ROBO1: variants seen among roughly 807,000 people sequenced by gnomAD.
ROBO1 encodes roundabout homolog 1.
ROBO1 carries 149 observed loss-of-function variants against 195.9 expected under a neutral mutation model. That is an observed-to-expected ratio of 0.76 (90% CI 0.67 to 0.87). The LOEUF (loss-of-function observed/expected upper bound fraction) is 0.87. ROBO1 is among the 40% of genes least tolerant of loss of function. The pLI is 0.00. For missense variants in ROBO1, 1,933 were observed against 2,068.3 expected, an observed-to-expected ratio of 0.93 and a Z score of 1.27; for synonymous variants, 816 against 733.2, an observed-to-expected ratio of 1.11 and a Z score of -1.82.
chr3:79,166,852 TA>T lies in ROBO1; in HGVS notation c.89-41314del, dbSNP rs575392856. Among the ~76,000 whole-genome samples, 225 of 152,296 alleles carry T rather than the reference TA, an allele frequency of 1.5e-3. 1 individual carries two copies. Among genetic ancestry groups the T allele is most frequent in the African/African-American group, 5.2e-3 (217 of 41,568 alleles). ...TGTTCACTAATGTATTATCAGTGCC[TA>T]AATCAGTAAAGGATTCATAATATTT... On this transcript the variant is annotated intron_variant, in intron 2 of 30. Transcript: ENST00000464233.
chr3:78,647,694 T>A (rs1706388221), intron 19 of ROBO1, 39 bp from the exon 20 acceptor site: 1 of 1,557,992 alleles, frequency 6.4e-7, no homozygotes, highest in East Asian at 2.2e-5. Context: ...GTTATTAAGC[T>A]GAAGAGAGAA....
chr3:79,615,340 T>C (rs1445007201), intron 1 of ROBO1, among the ~76,000 whole-genome samples: 1 of 152,156 alleles, frequency 6.6e-6, no homozygotes, highest in African/African-American at 2.4e-5. Flanking sequence ...AAGCCTCCAC[T>C]TTGAGTTGTT....
intron 2 of ROBO1, among the ~76,000 whole-genome samples, chr3:79,538,079 T>G (rs764450410): frequency 6.6e-6 from 1 of 152,150 alleles, no homozygotes; most frequent in Admixed American, 6.6e-5. Flanking sequence ...ATAGCCAATT[T>G]ATTAATTCTA....
At chr3:79,232,670 C>T (rs2082341393) in intron 2 of ROBO1, among the ~76,000 whole-genome samples, 1 of 152,072 alleles carries the variant, frequency 6.6e-6, no homozygotes, top group South Asian at 2.1e-4. Flanking sequence ...AACTTTCCAT[C>T]AGCCAACTTA....
intron 3 of ROBO1, among the ~76,000 whole-genome samples, chr3:79,083,926 C>T (rs2079320790): frequency 6.6e-6 from 1 of 152,156 alleles, no homozygotes; most frequent in Non-Finnish European, 1.5e-5. Flanking sequence ...CCATAAGTCA[C>T]TCCTTAGCTT....
intron 2 of ROBO1, among the ~76,000 whole-genome samples, chr3:79,211,886 CA>C (rs1467739066): frequency 1.3e-5 from 2 of 152,160 alleles, no homozygotes; most frequent in Non-Finnish European, 2.9e-5. Flanking sequence ...AGGTGTCTCA[CA>C]GCCTTCAGAG....
At chr3:78,904,732 G>A (rs181360930) in intron 4 of ROBO1, among the ~76,000 whole-genome samples, 3 of 147,844 alleles carry the variant, frequency 2.0e-5, no homozygotes, top group Non-Finnish European at 3.0e-5. Flanking sequence ...GTATATATAT[G>A]CATATATGTA....
chr3:78,977,647 A>G (rs545581025), intron 3 of ROBO1, among the ~76,000 whole-genome samples: 1 of 151,576 alleles, frequency 6.6e-6, no homozygotes, highest in Admixed American at 6.6e-5. Flanking sequence ...TACACTGAAA[A>G]GAAATAATGG....
Position 79,183,080 on chromosome 3 carries a change from C to CAAAAAAAAAAAAAAAA in ROBO1, c.89-57557_89-57542dup, listed in dbSNP as rs1304597488. Reference sequence around the variant, plus strand: ...TGGGTGACAGAGAGAGACTCCAACTCAAAAAAAAAAAAAAAAAGATACATA... The same window carrying CAAAAAAAAAAAAAAAA: ...TGGGTGACAGAGAGAGACTCCAACTCAAAAAAAAAAAAAAAAAAAAAAAAAAAAAAAAAGATACATA... On this transcript the variant is annotated intron_variant, in intron 2 of 30. Coordinates refer to ENST00000464233, the MANE Select transcript of ROBO1 (RefSeq NM_002941.4). Among the ~76,000 whole-genome samples the CAAAAAAAAAAAAAAAA allele has an allele frequency of 2.2e-3, 141 of 64,788 alleles. 1 individual carries two copies. The highest frequency in any genetic ancestry group is 7.4e-3 in the African/African-American group (138 of 18,576). 42.5% of individuals were successfully genotyped at this position (64,788 alleles called of 152,430 possible).
At chr3:79,120,099 T>C (rs1559674521) in intron 3 of ROBO1, among the ~76,000 whole-genome samples, 1 of 152,024 alleles carries the variant, frequency 6.6e-6, no homozygotes. Flanking sequence ...TCTTAAAAGA[T>C]AGTATACCTC....
At chr3:79,669,229 A>T (rs576381954) in intron 1 of ROBO1, among the ~76,000 whole-genome samples, 1 of 151,724 alleles carries the variant, frequency 6.6e-6, no homozygotes, top group African/African-American at 2.4e-5. Flanking sequence ...TCCCTGTACC[A>T]GCTCTCTTTT....
chr3:79,313,388 A>C (rs1051613415), intron 2 of ROBO1, among the ~76,000 whole-genome samples: 4 of 152,178 alleles, frequency 2.6e-5, no homozygotes, highest in Admixed American at 2.6e-4. Context: ...CTCTACTTTT[A>C]GTGTGAATCC....
At chr3:78,967,734 G>T (rs892062774) in intron 3 of ROBO1, among the ~76,000 whole-genome samples, 1 of 151,890 alleles carries the variant, frequency 6.6e-6, no homozygotes, top group African/African-American at 2.4e-5. Flanking sequence ...AATCTAAAAA[G>T]ATCCATAAAT....
chr3:79,282,976 A>G (rs2109006427), intron 2 of ROBO1, among the ~76,000 whole-genome samples: 1 of 152,330 alleles, frequency 6.6e-6, no homozygotes, highest in African/African-American at 2.4e-5. Flanking sequence ...TCTAAAGGGA[A>G]GTTGCTGCAC....
intron 1 of ROBO1, among the ~76,000 whole-genome samples, chr3:79,676,532 T>A (rs1426510888): frequency 6.6e-6 from 1 of 152,094 alleles, no homozygotes; most frequent in Non-Finnish European, 1.5e-5. Context: ...TGTGGCTGTA[T>A]GACTGAGAAC....
intron 2 of ROBO1, among the ~76,000 whole-genome samples, chr3:79,328,193 A>C (rs551042435): frequency 6.6e-6 from 1 of 152,174 alleles, no homozygotes; most frequent in Non-Finnish European, 1.5e-5. Context: ...CAATGAAAGG[A>C]GTTAGATCTA....
chr3:78,823,780 A>G (rs955760427), intron 4 of ROBO1, among the ~76,000 whole-genome samples: 2 of 152,280 alleles, frequency 1.3e-5, no homozygotes, highest in South Asian at 2.1e-4. Flanking sequence ...TCACCTCATT[A>G]GGGATTTCTT....
chr3:78,602,754 G>A (rs1703249894), intron 29 of ROBO1, among the ~76,000 whole-genome samples: 1 of 151,794 alleles, frequency 6.6e-6, no homozygotes, highest in South Asian at 2.1e-4. Context: ...GCTCCTATAG[G>A]CACCCCAGCT....
chr3:79,310,418 C>A (rs897729223), intron 2 of ROBO1, among the ~76,000 whole-genome samples: 11 of 152,320 alleles, frequency 7.2e-5, no homozygotes, highest in African/African-American at 2.6e-4. Context: ...TCACTTATCA[C>A]TGGCAGTTGA....
Sources: allele counts gnomAD v4.1 joint callset (sites outside exome capture counted in the v4.1 genomes callset), GRCh38; gene constraint gnomAD v4.1.1; transcripts MANE v1.5; gene names NCBI Gene and HGNC (gene_info 2026-07-23, HGNC 2026-07-21).